MFAP1: variants seen among roughly 807,000 people sequenced by gnomAD.
The protein encoded by MFAP1 is microfibril associated protein 1.
A neutral mutation model predicts 62.2 loss-of-function variants in MFAP1; 18 were observed. The ratio of observed to expected loss-of-function variants is 0.29; its 90% CI spans 0.20 to 0.43. MFAP1 has a LOEUF of 0.43. MFAP1 is among the 20% of genes least tolerant of loss of function. The probability of loss-of-function intolerance (pLI) is 1.00; values close to 1 mark genes in which losing one functional copy is unlikely to be tolerated. For synonymous variants in MFAP1, 175 were observed against 180.4 expected (o/e 0.97, Z 0.24); for missense variants, 355 against 559.7 (o/e 0.63, Z 3.69).
chr15:43,815,184 G>GA (rs1555459860), intron 2 of MFAP1, 110 bp from the exon 3 acceptor site: 2 of 1,181,240 alleles, frequency 1.7e-6, no homozygotes, highest in Non-Finnish European at 1.2e-6. Context: ...TAATACTGAA[G>GA]TTTTTTTTTT....
At chr15:43,822,971 T>C (rs2087475780) in intron 1 of MFAP1, among the ~76,000 whole-genome samples, 2 of 151,880 alleles carry the variant, frequency 1.3e-5, no homozygotes, top group African/African-American at 2.4e-5. Context: ...ACCGAGTAGC[T>C]GGGATTACAG....
chr15:43,814,742 C>G, intron 3 of MFAP1, 54 bp from the exon 4 acceptor site: 1 of 1,572,716 alleles, frequency 6.4e-7, no homozygotes, highest in Non-Finnish European at 8.7e-7. Context: ...GCTTTTTGTT[C>G]GTCTCATCAA....
At position 43,810,624 on chromosome 15, in the gene MFAP1, T is replaced by A. The variant is rs144952536; in HGVS notation, c.888-710A>T. On this transcript the variant is annotated intron_variant, in intron 6 of 8. Transcript: ENST00000267812. The stretch of plus-strand genomic sequence containing the variant: ...CCTCGTGATCCGCCCGCCTTGGCCT[T>A]CCAAAGTGTTGGGATTATAGGCGTG... Among the ~76,000 whole-genome samples, 349 of 152,142 alleles carry A rather than the reference T, an allele frequency of 2.3e-3. 4 individuals are homozygous for A. The highest frequency in any genetic ancestry group is 8.0e-3 in the African/African-American group (332 of 41,508).
At chr15:43,820,278 C>T (rs1265147700) in intron 1 of MFAP1, among the ~76,000 whole-genome samples, 1 of 152,192 alleles carries the variant, frequency 6.6e-6, no homozygotes, top group Non-Finnish European at 1.5e-5. Context: ...GATCGCGCCA[C>T]TGCACTCCAG....
At position 43,824,479 on chromosome 15, in the gene MFAP1, T is replaced by C. The variant is rs751017034; in HGVS notation, c.79+12A>G. ...TTAAAATTCGACTGGGAAGAGGGTG[T>C]TAGCACCGTACCTTTCTCATTGCGA... On this transcript the variant is annotated intron_variant, in intron 1 of 8. Transcript: ENST00000267812. The C allele has an allele frequency of 6.2e-7, 1 of 1,614,008 alleles. No individual in the cohort carries two copies. Among genetic ancestry groups the C allele is most frequent in the East Asian group, 2.2e-5 (1 of 44,874 alleles).
At chr15:43,822,337 A>C (rs897021946) in intron 1 of MFAP1, among the ~76,000 whole-genome samples, 2 of 152,158 alleles carry the variant, frequency 1.3e-5, no homozygotes, top group Non-Finnish European at 2.9e-5. Flanking sequence ...TAGATGATGA[A>C]TATATGGGAA....
rs1165156337 is a variant in MFAP1, at chr15:43,813,299, C to G, written c.676G>C (p.Glu226Gln). ...EAEALKQKEL[E>Q]QEAKRMAEER... ...TCAGCCATGCGTTTTGCTTCCTGCT[C>G]CAGCTCCTTCTGTTTCAATGCTTCG... Residue 226 changes from glutamate to glutamine, a missense_variant, in exon 5 of 9, where the codon GAG becomes CAG. By Grantham distance (29) the Glu-to-Gln change is conservative. Around this residue, in one of 6 missense-constraint regions of MFAP1, gnomAD observed 257 missense variants for 341.3 expected, o/e 0.75. Coordinates refer to ENST00000267812, the MANE Select transcript of MFAP1 (RefSeq NM_005926.3). 1 of 1,612,638 alleles carries G rather than the reference C, an allele frequency of 6.2e-7. No homozygotes were observed. Among genetic ancestry groups the G allele is most frequent in the East Asian group, 2.2e-5 (1 of 44,876 alleles).
Position 43,817,221 on chromosome 15 carries a change from G to A in MFAP1, c.299+8C>T. The A allele has an allele frequency of 1.2e-6, 2 of 1,612,002 alleles. No individual in the cohort carries two copies. The highest frequency in any genetic ancestry group is 1.7e-6 in the Non-Finnish European group (2 of 1,179,280). ...TCATGTTCAAGTAAACACAATCACA[G>A]ACATTACCTCTCTTCCACATCTTCA... On this transcript the variant is annotated splice_region_variant and intron_variant, in intron 2 of 8. Transcript: ENST00000267812.
chr15:43,818,238 C>T (rs1429771330), intron 1 of MFAP1, among the ~76,000 whole-genome samples: 1 of 151,924 alleles, frequency 6.6e-6, no homozygotes, highest in African/African-American at 2.4e-5. Context: ...CCATGATGGT[C>T]TCGATCTCCT....
chr15:43,812,968 G>A lies in MFAP1; in HGVS notation c.887+19C>T. 6.2e-7 allele frequency: 1 copy of A among 1,613,458 alleles called. No homozygotes were observed. The highest frequency in any genetic ancestry group is 8.5e-7 in the Non-Finnish European group (1 of 1,179,668). ...TGTTCCATTAGCAGCATTAACTCTA[G>A]GCTCATCTTTTTACTCACGCTTCTC... On this transcript the variant is annotated intron_variant, in intron 6 of 8. Coordinates refer to ENST00000267812, the MANE Select transcript of MFAP1 (RefSeq NM_005926.3).
At chr15:43,805,579 T>C (rs2087357424) in intron 7 of MFAP1, 114 bp from the exon 8 acceptor site, 1 of 787,374 alleles carries the variant, frequency 1.3e-6, no homozygotes, top group Non-Finnish European at 2.0e-6. Flanking sequence ...ATTGAGCCTT[T>C]CTTCAAGAGC....
intron 4 of MFAP1, among the ~76,000 whole-genome samples, chr15:43,813,662 A>G (rs1231239654): frequency 6.6e-6 from 1 of 151,908 alleles, no homozygotes; most frequent in Non-Finnish European, 1.5e-5. Context: ...AGAGTCTGCC[A>G]CCACACCTGA....
In MFAP1 at chr15:43,821,763, A is replaced by G. The variant is rs553306922; in HGVS notation, c.79+2728T>C. ...TAAGCTAACTTATAATCTGTCTTGT[A>G]TAAGTGTGTATTCAACTCAATTTAA... On this transcript the variant is annotated intron_variant, in intron 1 of 8. Coordinates refer to ENST00000267812, the MANE Select transcript of MFAP1 (RefSeq NM_005926.3). Among the ~76,000 whole-genome samples, 4 of 152,346 alleles carry G rather than the reference A, an allele frequency of 2.6e-5. No homozygotes were observed. The South Asian group carries it at 6.2e-4, about 24-fold the overall frequency.
intron 4 of MFAP1, among the ~76,000 whole-genome samples, chr15:43,814,215 A>T (rs1435363917): frequency 6.6e-6 from 1 of 152,104 alleles, no homozygotes; most frequent in Non-Finnish European, 1.5e-5. Flanking sequence ...ATGCCATTGC[A>T]CTCCAGCCTG....
chr15:43,824,351 G>A, intron 1 of MFAP1, 140 bp downstream of exon 1: 1 of 749,164 alleles, frequency 1.3e-6, no homozygotes, highest in Non-Finnish European at 2.2e-6. Context: ...GCAAGTGGGT[G>A]GGGGTGGAAA....
intron 7 of MFAP1, among the ~76,000 whole-genome samples, chr15:43,809,010 T>C (rs1433412638): frequency 6.6e-6 from 1 of 152,220 alleles, no homozygotes; most frequent in Non-Finnish European, 1.5e-5. Flanking sequence ...CAGTTCAGAA[T>C]GAAGTGAACT....
At chr15:43,814,872 C>A in intron 3 of MFAP1, 73 bp downstream of exon 3, 1 of 1,582,778 alleles carries the variant, frequency 6.3e-7, no homozygotes, top group South Asian at 1.2e-5. Flanking sequence ...GTTTTTAAGG[C>A]TTCAACAAAT....
chr15:43,813,406 G>T, intron 4 of MFAP1, 49 bp from the exon 5 acceptor site: 1 of 1,545,802 alleles, frequency 6.5e-7, no homozygotes. Context: ...AGAGTGGAGT[G>T]CTTTGTTCCC....
chr15:43,824,679 T>C lies in MFAP1; in HGVS notation c.-110A>G. On this transcript the variant is annotated 5_prime_UTR_variant, in exon 1 of 9. Coordinates refer to ENST00000267812, the MANE Select transcript of MFAP1 (RefSeq NM_005926.3). The stretch of plus-strand genomic sequence containing the variant: ...TTCCACCTGAGTCCGCGAACACAGC[T>C]GCGCGACTGATAGAGAAACTACTTA... The C allele has an allele frequency of 9.3e-7, 1 of 1,075,264 alleles. No individual in the cohort carries two copies. 66.6% of individuals were successfully genotyped at this position (1,075,264 alleles called of 1,614,324 possible). A position where few individuals can be genotyped will look rare whatever the true frequency, so the allele number is the denominator to read the frequency against.
Sources: gnomAD v4.1 joint callset for allele counts (sites outside exome capture counted in the v4.1 genomes callset) on GRCh38, gnomAD v4.1.1 for gene constraint, gnomAD v4.1.1 regional missense constraint, MANE v1.5 for transcripts, NCBI Gene and HGNC (gene_info 2026-07-23, HGNC 2026-07-21) for gene names.